The following GGH variants were observed in gnomAD, a reference collection of about 807,000 sequenced individuals.
GGH encodes gamma-Glu-X carboxypeptidase.
In GGH, 18 loss-of-function variants were observed where a neutral mutation model predicts 39.2. The ratio of observed to expected loss-of-function variants is 0.46; its 90% CI spans 0.32 to 0.68. The LOEUF (loss-of-function observed/expected upper bound fraction) is 0.68, where lower values mean the gene tolerates loss of function less well. Among genes scored for constraint, GGH ranks in the 30% least tolerant of loss-of-function variants. The probability of loss-of-function intolerance (pLI) is 0.04; values close to 1 mark genes in which losing one functional copy is unlikely to be tolerated. For missense variants in GGH, 367 were observed against 384.1 expected (o/e 0.96, Z 0.37); for synonymous variants, 147 against 138.8 (o/e 1.06, Z -0.42).
At chr8:63,034,050 T>TTA (rs1161604731) in intron 2 of GGH, among the ~76,000 whole-genome samples, 3 of 146,998 alleles carry the variant, frequency 2.0e-5, no homozygotes, top group Non-Finnish European at 1.5e-5. Context: ...ATATATATTT[T>TTA]TATATATATC....
At chr8:63,030,256 T>C (rs1804778795) in intron 2 of GGH, 39 bp from the exon 3 acceptor site, 2 of 1,000,536 alleles carry the variant, frequency 2.0e-6, no homozygotes, top group Non-Finnish European at 1.6e-6. Context: ...TTGTGAAACT[T>C]AGAAGTAAAC....
In GGH at chr8:63,026,205, G is replaced by A. The variant is rs11545078; in HGVS notation, c.452C>T (p.Thr151Ile). 0.096 allele frequency: 154,135 copies of A among 1,607,800 alleles called. 8,203 individuals carry two copies. The highest frequency in any genetic ancestry group is 0.17 in the South Asian group (15,083 of 90,072). The change falls in exon 5 of 9, where the codon ACT becomes ATT. Residue 151 changes from threonine to isoleucine, a missense_variant. Physicochemically the swap from Thr to Ile is moderately conservative, Grantham distance 89. Transcript: ENST00000260118. ...SLLISGECLL[T>I]ATDTVDVAMP... ...TGCCACGTCAACAGTATCTGTGGCAGTTAATAAGCACTCTCCACTAATCAG... is the reference window on the plus strand; with the variant it reads ...TGCCACGTCAACAGTATCTGTGGCAATTAATAAGCACTCTCCACTAATCAG...
At chr8:63,022,562 T>C (rs1563667444) in intron 7 of GGH, among the ~76,000 whole-genome samples, 1 of 152,154 alleles carries the variant, frequency 6.6e-6, no homozygotes, top group Non-Finnish European at 1.5e-5. Flanking sequence ...TTTCTTCTTT[T>C]TTTTTTGAAA....
At chr8:63,037,960 A>T (rs1020723232) in intron 1 of GGH, among the ~76,000 whole-genome samples, 1 of 152,208 alleles carries the variant, frequency 6.6e-6, no homozygotes, top group Non-Finnish European at 1.5e-5. Context: ...CCAAAATAAA[A>T]CTAATCTTAA....
At chr8:63,022,060 T>C (rs181674436) in intron 7 of GGH, among the ~76,000 whole-genome samples, 2 of 152,322 alleles carry the variant, frequency 1.3e-5, no homozygotes, top group African/African-American at 4.8e-5. Flanking sequence ...TTGTCAGTTA[T>C]ATGCATTACA....
intron 2 of GGH, among the ~76,000 whole-genome samples, chr8:63,032,915 T>C (rs891694421): frequency 2.0e-5 from 3 of 152,212 alleles, no homozygotes; most frequent in Admixed American, 6.5e-5. Context: ...TCTTCCTCCC[T>C]GTGCCCTTTT....
intron 5 of GGH, among the ~76,000 whole-genome samples, chr8:63,025,569 C>T (rs1008338407): frequency 6.6e-6 from 1 of 152,006 alleles, no homozygotes; most frequent in African/African-American, 2.4e-5. Context: ...CTTGTCCCTA[C>T]TAAAAATACA....
chr8:63,031,192 C>T (rs903829348), intron 2 of GGH, among the ~76,000 whole-genome samples: 5 of 152,166 alleles, frequency 3.3e-5, no homozygotes, highest in Admixed American at 2.0e-4. Flanking sequence ...TAACTAGACA[C>T]CTGTGATATC....
chr8:63,022,876 C>A lies in GGH; in HGVS notation c.697+1031G>T, dbSNP rs562913685. Among the ~76,000 whole-genome samples the A allele has an allele frequency of 2.6e-5, 4 of 152,232 alleles. No homozygotes were observed. In the East Asian group the frequency reaches 7.7e-4, roughly 29 times the overall value. On this transcript the variant is annotated intron_variant, in intron 7 of 8. Transcript: ENST00000260118. ...TGGTTATTTTCAAATCTGATTGTTTCATGCCTATATTTTCAAGCATTTTTC... is the reference window on the plus strand; with the variant it reads ...TGGTTATTTTCAAATCTGATTGTTTAATGCCTATATTTTCAAGCATTTTTC...
rs939012190 is a variant in GGH at position 63,035,653 on chromosome 8, T to C, written c.224+3A>G. The C allele has an allele frequency of 1.3e-5, 21 of 1,596,048 alleles. No individual in the cohort carries two copies. Among genetic ancestry groups the C allele is most frequent in the Non-Finnish European group, 1.8e-5 (21 of 1,173,998 alleles). On this transcript the variant is annotated splice_donor_region_variant and intron_variant, in intron 2 of 8. Transcript: ENST00000260118. Reference sequence around the variant, plus strand: ...AAAAAAAAAAAAAAACACTGAATCATACCTTACTGGTACAACTCTCGCACC... The same window carrying C: ...AAAAAAAAAAAAAAACACTGAATCACACCTTACTGGTACAACTCTCGCACC...
Position 63,035,806 on chromosome 8 carries a change from C to T in GGH, c.110-36G>A, listed in dbSNP as rs186979790. 61 of 1,539,600 alleles carry T rather than the reference C, an allele frequency of 4.0e-5. No individual in the cohort carries two copies. The Admixed American group carries it at 4.0e-4, about 10-fold the overall frequency. On this transcript the variant is annotated intron_variant, in intron 1 of 8. Transcript: ENST00000260118. ...AAAAAAGTTTAGTTTCAAGCAAATT[C>T]CTTTTCTTCTTGCTCAGAAACTGAA... is the stretch of plus-strand genomic sequence containing the variant.
At chr8:63,034,843 T>C (rs1253291318) in intron 2 of GGH, among the ~76,000 whole-genome samples, 1 of 152,222 alleles carries the variant, frequency 6.6e-6, no homozygotes, top group African/African-American at 2.4e-5. Flanking sequence ...ATCCTAATAT[T>C]ATAGAACAAA....
At chr8:63,032,705 T>G (rs976783048) in intron 2 of GGH, among the ~76,000 whole-genome samples, 15 of 152,166 alleles carry the variant, frequency 9.9e-5, no homozygotes, top group African/African-American at 3.4e-4. Flanking sequence ...GTCTATGAAC[T>G]CACCCCATAT....
intron 2 of GGH, among the ~76,000 whole-genome samples, chr8:63,031,295 A>G (rs796421578): frequency 3.9e-5 from 6 of 152,362 alleles, no homozygotes; most frequent in African/African-American, 1.2e-4. Flanking sequence ...ACAAGTTCAT[A>G]GTAATCTCTT....
intron 7 of GGH, among the ~76,000 whole-genome samples, chr8:63,019,577 AACTGGTCAAGGGCAC>A (rs1296325323): frequency 4.0e-5 from 6 of 151,552 alleles, no homozygotes; most frequent in Non-Finnish European, 8.8e-5. Flanking sequence ...AGCCAAAGTG[AACTGGTCAAGGGCAC>A]AGGTCATAAT....
chr8:63,019,907 A>G (rs1804556676), intron 7 of GGH, among the ~76,000 whole-genome samples: 1 of 152,210 alleles, frequency 6.6e-6, no homozygotes, highest in African/African-American at 2.4e-5. Context: ...CATTTCTGTT[A>G]ATAATGTAAA....
intron 7 of GGH, among the ~76,000 whole-genome samples, chr8:63,022,224 A>G (rs1006459761): frequency 2.7e-5 from 4 of 150,876 alleles, no homozygotes; most frequent in African/African-American, 9.8e-5. Context: ...ATTCTCCTTT[A>G]TTTTTTCTAA....
rs1804835159 is a variant in GGH, at chr8:63,033,077, T to C, written c.224+2579A>G. Among the ~76,000 whole-genome samples the C allele has an allele frequency of 8.5e-5, 13 of 152,376 alleles. No homozygotes were observed. In the South Asian group the frequency reaches 2.7e-3, roughly 32 times the overall value. On this transcript the variant is annotated intron_variant, in intron 2 of 8. Coordinates refer to ENST00000260118, the MANE Select transcript of GGH (RefSeq NM_003878.3). ...TGCCTTTAGGCATTTTGTTTTATTT[T>C]TTTAAAGACTTTATTTTTTAGAGTA...
intron 2 of GGH, among the ~76,000 whole-genome samples, chr8:63,034,759 C>T (rs149882850): frequency 3.5e-4 from 53 of 152,258 alleles, no homozygotes; most frequent in African/African-American, 1.2e-3. Flanking sequence ...AATTTACAAA[C>T]TTTTAAAGTA....
Sources: allele counts gnomAD v4.1 joint callset (sites outside exome capture counted in the v4.1 genomes callset), GRCh38; gene constraint gnomAD v4.1.1; transcripts MANE v1.5; gene names NCBI Gene and HGNC (gene_info 2026-07-23, HGNC 2026-07-21).